PDE4B: variants seen among roughly 807,000 people sequenced by gnomAD.
PDE4B encodes phosphodiesterase 4B, also known as 3',5'-cyclic-AMP phosphodiesterase 4B.
A neutral mutation model predicts 82.2 loss-of-function variants in PDE4B; 20 were observed. That is an observed-to-expected ratio of 0.24 (90% CI 0.17 to 0.35). The LOEUF (loss-of-function observed/expected upper bound fraction) is 0.35. PDE4B is among the 10% of genes least tolerant of loss of function. The probability of loss-of-function intolerance (pLI) is 1.00; values close to 1 mark genes in which losing one functional copy is unlikely to be tolerated. For synonymous variants in PDE4B, 320 were observed against 318.9 expected, an observed-to-expected ratio of 1.00 and a Z score of -0.04; for missense variants, 655 against 907.2, an observed-to-expected ratio of 0.72 and a Z score of 3.57.
intron 3 of PDE4B, among the ~76,000 whole-genome samples, chr1:65,979,901 G>A (rs1236836246): frequency 1.3e-5 from 2 of 152,130 alleles, no homozygotes; most frequent in Non-Finnish European, 2.9e-5. Context: ...AGTGACAGAA[G>A]CTGTTAGGAG....
Position 65,956,956 on chromosome 1 carries a change from G to A in PDE4B, c.281+38121G>A, listed in dbSNP as rs566748457. Among the ~76,000 whole-genome samples the A allele has an allele frequency of 1.6e-4, 25 of 152,112 alleles. No individual in the cohort carries two copies. The East Asian group carries it at 4.8e-3, about 29-fold the overall frequency. On this transcript the variant is annotated intron_variant, in intron 3 of 16. Transcript: ENST00000341517. ...GACTTAATTTTTGCCAATCTAGTAG[G>A]TATGTACAGGTATCTCATTGTGACT...
chr1:66,090,665 A>ATATATGTG (rs1557553498), intron 3 of PDE4B, among the ~76,000 whole-genome samples: 1 of 23,592 alleles, frequency 4.2e-5, no homozygotes. Context: ...ATGTATGTAT[A>ATATATGTG]TATGTGTATG....
chr1:65,841,311 G>T (rs753808097), intron 1 of PDE4B, among the ~76,000 whole-genome samples: 8 of 148,230 alleles, frequency 5.4e-5, no homozygotes, highest in Non-Finnish European at 1.2e-4. Flanking sequence ...TTCAAAGAAG[G>T]AAAGAAAAAA....
chr1:66,162,564 C>T (rs1477473227), intron 3 of PDE4B, among the ~76,000 whole-genome samples: 1 of 151,992 alleles, frequency 6.6e-6, no homozygotes, highest in East Asian at 1.9e-4. Flanking sequence ...TATCCCTTAT[C>T]TGAAATGCTT....
At chr1:66,352,689 C>T (rs1436527322) in intron 8 of PDE4B, among the ~76,000 whole-genome samples, 1 of 143,998 alleles carries the variant, frequency 6.9e-6, no homozygotes, top group Non-Finnish European at 1.5e-5. Flanking sequence ...TGATTAAAAG[C>T]ATGAAAAGAG....
chr1:66,078,248 G>T (rs138260591), intron 3 of PDE4B, among the ~76,000 whole-genome samples: 116 of 151,366 alleles, frequency 7.7e-4, no homozygotes, highest in African/African-American at 2.5e-3. Flanking sequence ...CCAGGCTGGA[G>T]TGCAGTGGCA....
chr1:65,894,147 TA>T (rs554464716), intron 1 of PDE4B, among the ~76,000 whole-genome samples: 1 of 149,354 alleles, frequency 6.7e-6, no homozygotes, highest in East Asian at 2.0e-4. Context: ...ACTGTTGAAA[TA>T]AAAAAAAAGA....
intron 3 of PDE4B, among the ~76,000 whole-genome samples, chr1:66,090,621 A>ATATATATATATATATATATGTGTG: frequency 7.3e-5 from 9 of 122,716 alleles, no homozygotes; most frequent in Admixed American, 2.4e-4. Context: ...TATATAATAT[A>ATATATATATATATATATATGTGTG]TGTGTGTGTG....
At chr1:66,149,610 T>C (rs79173371) in intron 3 of PDE4B, among the ~76,000 whole-genome samples, 358 of 152,308 alleles carry the variant, frequency 2.4e-3, no homozygotes, top group Middle Eastern at 0.01. Context: ...TCCCAGAACT[T>C]TGGGAAGCCA....
At chr1:66,005,426 A>G (rs1192486685) in intron 3 of PDE4B, among the ~76,000 whole-genome samples, 1 of 152,314 alleles carries the variant, frequency 6.6e-6, no homozygotes, top group Admixed American at 6.5e-5. Context: ...ATTTCAAAGA[A>G]TATTTAAGGA....
At chr1:66,341,932 G>A (rs1001100727) in intron 8 of PDE4B, among the ~76,000 whole-genome samples, 7 of 152,304 alleles carry the variant, frequency 4.6e-5, no homozygotes, top group African/African-American at 1.7e-4. Context: ...CAAGATCCTA[G>A]TGGAGTTAGG....
chr1:66,012,653 C>G (rs1203923932), intron 3 of PDE4B, among the ~76,000 whole-genome samples: 1 of 152,126 alleles, frequency 6.6e-6, no homozygotes, highest in Non-Finnish European at 1.5e-5. Context: ...ATTAAACAAT[C>G]TGTTCTCAGT....
In PDE4B at chr1:65,908,068, C is replaced by T. The variant is rs148762437; in HGVS notation, c.-70-5177C>T. Among the ~76,000 whole-genome samples the T allele has an allele frequency of 2.4e-4, 37 of 152,162 alleles. 1 individual carries two copies. The highest frequency in any genetic ancestry group is 7.2e-4 in the African/African-American group (30 of 41,502). ...GGGGAGAGGAGGTGTTGGAGAAGTGCGTTATTGGCCTACTGAAAATGAAGA... is the reference window on the plus strand; with the variant it reads ...GGGGAGAGGAGGTGTTGGAGAAGTGTGTTATTGGCCTACTGAAAATGAAGA... On this transcript the variant is annotated intron_variant, in intron 1 of 16. Coordinates refer to ENST00000341517, the MANE Select transcript of PDE4B (RefSeq NM_002600.4).
intron 3 of PDE4B, among the ~76,000 whole-genome samples, chr1:66,013,493 A>C (rs1477937410): frequency 1.3e-5 from 2 of 152,106 alleles, no homozygotes; most frequent in Non-Finnish European, 2.9e-5. Flanking sequence ...GTGTGGTGAA[A>C]CACAACCCAA....
intron 1 of PDE4B, among the ~76,000 whole-genome samples, chr1:65,893,740 T>A (rs1453495401): frequency 1.3e-5 from 2 of 151,916 alleles, no homozygotes; most frequent in East Asian, 3.9e-4. Flanking sequence ...GGAATCAACC[T>A]AAGTACCCAC....
At chr1:65,837,453 C>T (rs2101325557) in intron 1 of PDE4B, among the ~76,000 whole-genome samples, 1 of 152,104 alleles carries the variant, frequency 6.6e-6, no homozygotes, top group South Asian at 2.1e-4. Context: ...ACTAAAAATA[C>T]AAAAATTAGT....
chr1:66,371,094 CTATATATA>C (rs557320202), intron 16 of PDE4B, among the ~76,000 whole-genome samples: 3,467 of 74,746 alleles, frequency 0.046, 105 homozygotes, highest in Middle Eastern at 0.12. Context: ...ACACATCATA[CTATATATA>C]TATATATATA....
chr1:65,939,496 T>G (rs1409095747), intron 3 of PDE4B, among the ~76,000 whole-genome samples: 5 of 152,118 alleles, frequency 3.3e-5, no homozygotes, highest in Admixed American at 2.6e-4. Flanking sequence ...TGAACTTTAA[T>G]GTGAAATAAC....
chr1:66,354,994 G>A, intron 8 of PDE4B: 1 of 1,133,500 alleles, frequency 8.8e-7, no homozygotes, highest in South Asian at 1.4e-5. Context: ...AATTTGATTT[G>A]TGTGTTCATT....
Sources: allele counts gnomAD v4.1 joint callset (sites outside exome capture counted in the v4.1 genomes callset), GRCh38; gene constraint gnomAD v4.1.1; transcripts MANE v1.5; gene names NCBI Gene and HGNC (gene_info 2026-07-23, HGNC 2026-07-21).